TSGA10: variants seen among roughly 807,000 people sequenced by gnomAD.
TSGA10 encodes testis specific 10, also known as testis-specific gene 10 protein.
TSGA10 carries 43 observed loss-of-function variants against 96.6 expected under a neutral mutation model. That is an observed-to-expected ratio of 0.44 (90% CI 0.35 to 0.57). The LOEUF (loss-of-function observed/expected upper bound fraction) is 0.57. Ranked by LOEUF, TSGA10 falls within the 20% of genes least tolerant of loss-of-function variation. The pLI, the probability that TSGA10 is intolerant of heterozygous loss-of-function variation, is 0.01. For synonymous variants in TSGA10, 229 were observed against 269.9 expected, an observed-to-expected ratio of 0.85 and a Z score of 1.48; for missense variants, 703 against 834.4, an observed-to-expected ratio of 0.84 and a Z score of 1.94.
chr2:99,055,160 T>A (rs1347701726), intron 16 of TSGA10, among the ~76,000 whole-genome samples: 1 of 152,308 alleles, frequency 6.6e-6, no homozygotes, highest in African/African-American at 2.4e-5. Flanking sequence ...AGATATACAA[T>A]GAAATACTAT....
chr2:99,035,102 T>C lies in TSGA10; in HGVS notation c.1614+128A>G, dbSNP rs1467506837. The C allele has an allele frequency of 8.7e-6, 6 of 691,456 alleles. No homozygotes were observed. In the African/African-American group the frequency reaches 1.1e-4, roughly 13 times the overall value. 42.8% of individuals were successfully genotyped at this position (691,456 alleles called of 1,614,324 possible). A position where few individuals can be genotyped will look rare whatever the true frequency, so the allele number is the denominator to read the frequency against. ...TGTCATAAACTAACCTCTTGGATTT[T>C]AAAAATAAAATCTAAGTTCAAAGAC... On this transcript the variant is annotated intron_variant, in intron 17 of 20. Coordinates refer to ENST00000393483, the MANE Select transcript of TSGA10 (RefSeq NM_025244.4).
chr2:99,024,850 G>C (rs1313644175), intron 17 of TSGA10, among the ~76,000 whole-genome samples: 1 of 152,170 alleles, frequency 6.6e-6, no homozygotes, highest in African/African-American at 2.4e-5. Flanking sequence ...TATCAGGCAA[G>C]AATGTTGGAT....
intron 20 of TSGA10, among the ~76,000 whole-genome samples, chr2:99,004,945 T>C (rs1450101401): frequency 1.3e-5 from 2 of 152,180 alleles, no homozygotes; most frequent in Non-Finnish European, 1.5e-5. Context: ...TTATCCACCA[T>C]CATCAAGTGG....
intron 20 of TSGA10, among the ~76,000 whole-genome samples, chr2:99,011,354 A>G (rs2104876315): frequency 6.6e-6 from 1 of 151,630 alleles, no homozygotes; most frequent in East Asian, 1.9e-4. Context: ...CTGGTCTTGA[A>G]CTCCTGACTT....
At chr2:99,012,170 G>A (rs920833048) in intron 20 of TSGA10, among the ~76,000 whole-genome samples, 1 of 152,108 alleles carries the variant, frequency 6.6e-6, no homozygotes, top group African/African-American at 2.4e-5. Flanking sequence ...GTTTAAAGGA[G>A]TTCTAAATCT....
intron 9 of TSGA10, among the ~76,000 whole-genome samples, chr2:99,104,755 A>G (rs1222614811): frequency 6.6e-5 from 10 of 152,186 alleles, no homozygotes; most frequent in Admixed American, 6.5e-4. Context: ...GATTACAGGC[A>G]TGAGCCACCG....
At chr2:99,097,815 G>A (rs1396696280) in intron 10 of TSGA10, among the ~76,000 whole-genome samples, 1 of 152,110 alleles carries the variant, frequency 6.6e-6, no homozygotes, top group Non-Finnish European at 1.5e-5. Context: ...ATTTGTGAAA[G>A]ATGTCTAAAA....
At chr2:99,029,127 C>G (rs1377253079) in intron 17 of TSGA10, among the ~76,000 whole-genome samples, 2 of 152,114 alleles carry the variant, frequency 1.3e-5, no homozygotes, top group Non-Finnish European at 2.9e-5. Flanking sequence ...GTTTTAGGTT[C>G]TGAAATCCAT....
chr2:99,073,895 G>A lies in TSGA10; in HGVS notation c.883-822C>T, dbSNP rs1201938101. Among the ~76,000 whole-genome samples, 3 of 148,990 alleles carry A rather than the reference G, an allele frequency of 2.0e-5. No individual in the cohort carries two copies. In the Admixed American group the frequency reaches 2.0e-4, roughly 10 times the overall value. On this transcript the variant is annotated intron_variant, in intron 12 of 20. Coordinates refer to ENST00000393483, the MANE Select transcript of TSGA10 (RefSeq NM_025244.4). ...AAGTTATTTCACTAAGTAATAACTA[G>A]ATTTCACCTTGCCATTTGAATTTTC...
At chr2:99,037,701 T>A (rs1377341552) in intron 16 of TSGA10, among the ~76,000 whole-genome samples, 1 of 151,854 alleles carries the variant, frequency 6.6e-6, no homozygotes, top group African/African-American at 2.4e-5. Flanking sequence ...ATACAAAAAA[T>A]TAGCTGGGTG....
chr2:99,123,738 T>G (rs1030448630), intron 2 of TSGA10, among the ~76,000 whole-genome samples: 3 of 152,340 alleles, frequency 2.0e-5, no homozygotes, highest in Middle Eastern at 3.4e-3. Context: ...CAAGCATTAT[T>G]TGTCTTCCTA....
chr2:99,077,145 T>C (rs1414520695), intron 12 of TSGA10, among the ~76,000 whole-genome samples: 8 of 126,904 alleles, frequency 6.3e-5, no homozygotes, highest in African/African-American at 2.4e-4. Flanking sequence ...TTTTTTTTTT[T>C]TTTTTTTTTT....
At chr2:99,135,364 C>T (rs895794085) in intron 1 of TSGA10, among the ~76,000 whole-genome samples, 7 of 152,220 alleles carry the variant, frequency 4.6e-5, no homozygotes, top group African/African-American at 1.7e-4. Flanking sequence ...GAACTTCCCA[C>T]CAGCTTTGTT....
chr2:99,115,977 C>G (rs2092232403), intron 4 of TSGA10, among the ~76,000 whole-genome samples: 1 of 152,138 alleles, frequency 6.6e-6, no homozygotes, highest in Non-Finnish European at 1.5e-5. Context: ...ACATACAATC[C>G]TAGAGGTCAT....
At chr2:99,101,998 A>T (rs1559021377) in intron 10 of TSGA10, 1 of 1,078,212 alleles carries the variant, frequency 9.3e-7, no homozygotes, top group Admixed American at 1.7e-5. Flanking sequence ...ATACCGGATT[A>T]TACACTTAAA....
Position 99,111,166 on chromosome 2 carries a change from T to C in TSGA10, c.-139-251A>G, listed in dbSNP as rs116017845. On this transcript the variant is annotated intron_variant, in intron 4 of 20. Transcript: ENST00000393483. ...GTTAATTGATTGTATTTTACCAAATTATTCCCCATAAACTGGAACAAAATG... is the reference window on the plus strand; with the variant it reads ...GTTAATTGATTGTATTTTACCAAATCATTCCCCATAAACTGGAACAAAATG... 2.9e-3 allele frequency among the ~76,000 whole-genome samples: 434 copies of C among 152,228 alleles called. 2 individuals are homozygous for C. Among genetic ancestry groups the C allele is most frequent in the African/African-American group, 9.8e-3 (407 of 41,568 alleles).
At chr2:99,135,455 T>C (rs1291402033) in intron 1 of TSGA10, among the ~76,000 whole-genome samples, 1 of 152,258 alleles carries the variant, frequency 6.6e-6, no homozygotes, top group Non-Finnish European at 1.5e-5. Flanking sequence ...GAACAGTTCC[T>C]ATTTGGCCAT....
At chr2:99,041,389 A>G (rs1162925371) in intron 16 of TSGA10, among the ~76,000 whole-genome samples, 1 of 152,234 alleles carries the variant, frequency 6.6e-6, no homozygotes, top group African/African-American at 2.4e-5. Context: ...AAGACTAAGC[A>G]AAAAGAACAA....
intron 20 of TSGA10, among the ~76,000 whole-genome samples, chr2:99,014,341 A>T (rs1488447412): frequency 6.6e-6 from 1 of 152,094 alleles, no homozygotes; most frequent in African/African-American, 2.4e-5. Context: ...TCTCAAAAAA[A>T]TTAATAATAA....
Sources: allele counts gnomAD v4.1 joint callset (sites outside exome capture counted in the v4.1 genomes callset), GRCh38; gene constraint gnomAD v4.1.1; transcripts MANE v1.5; gene names NCBI Gene and HGNC (gene_info 2026-07-23, HGNC 2026-07-21).